Variants in NKAIN3 observed in about 807,000 individuals in gnomAD.
The protein encoded by NKAIN3 is sodium/potassium-transporting ATPase subunit beta-1-interacting protein 3.
A neutral mutation model predicts 30.2 loss-of-function variants in NKAIN3; 25 were observed. That is an observed-to-expected ratio of 0.83 (90% CI 0.60 to 1.16). NKAIN3 has a LOEUF of 1.16. NKAIN3 is among the 50% of genes most tolerant of loss of function. NKAIN3 has a pLI of 0.00. For missense variants in NKAIN3, 225 were observed against 254.1 expected, an observed-to-expected ratio of 0.89 and a Z score of 0.78; for synonymous variants, 91 against 89.6, an observed-to-expected ratio of 1.02 and a Z score of -0.09.
At chr8:62,517,754 A>AT (rs1808039023) in intron 1 of NKAIN3, among the ~76,000 whole-genome samples, 1 of 152,108 alleles carries the variant, frequency 6.6e-6, no homozygotes, top group African/African-American at 2.4e-5. Context: ...TGTTGTGGAC[A>AT]TTTTGTTCTG....
chr8:62,415,275 T>C (rs1219366554), intron 1 of NKAIN3, among the ~76,000 whole-genome samples: 1 of 144,520 alleles, frequency 6.9e-6, no homozygotes, highest in East Asian at 1.9e-4. Context: ...CACTATAGTA[T>C]ATATTATATA....
intron 1 of NKAIN3, among the ~76,000 whole-genome samples, chr8:62,304,656 A>T (rs538938188): frequency 6.6e-6 from 1 of 150,504 alleles, no homozygotes; most frequent in South Asian, 2.1e-4. Context: ...TCAACCTGTT[A>T]CTAACTGACC....
At chr8:62,527,814 G>A (rs1563440932) in intron 1 of NKAIN3, among the ~76,000 whole-genome samples, 2 of 151,264 alleles carry the variant, frequency 1.3e-5, no homozygotes, top group African/African-American at 4.9e-5. Flanking sequence ...TTCTTCCTAG[G>A]TCTGACTTGT....
At chr8:62,384,821 A>G (rs1219451023) in intron 1 of NKAIN3, among the ~76,000 whole-genome samples, 1 of 152,174 alleles carries the variant, frequency 6.6e-6, no homozygotes, top group Non-Finnish European at 1.5e-5. Flanking sequence ...TGCAGTTCCC[A>G]AAGGATGACC....
At chr8:62,729,106 G>A (rs1045958254) in intron 3 of NKAIN3, among the ~76,000 whole-genome samples, 7 of 147,088 alleles carry the variant, frequency 4.8e-5, no homozygotes, top group African/African-American at 1.3e-4. Context: ...CACAGACTGG[G>A]AGAAAATATT....
At chr8:62,900,029 T>TAAAAAAAAAAAA (rs5891878) in intron 4 of NKAIN3, among the ~76,000 whole-genome samples, 1 of 148,166 alleles carries the variant, frequency 6.7e-6, no homozygotes. Context: ...CTACTGAAAT[T>TAAAAAAAAAAAA]AAAAAAAAAA....
Position 62,249,356 on chromosome 8 carries a change from C to G in NKAIN3, c.54+229C>G, listed in dbSNP as rs186111810. On this transcript the variant is annotated intron_variant, in intron 1 of 6. Coordinates refer to ENST00000623646, the MANE Select transcript of NKAIN3 (RefSeq NM_001304533.3). ...GGAGGGCGCGGTCTCACCCCCGGTCCCATGCGCTGGGGTTCGCCGCGCTCC... is the reference window on the plus strand; with the variant it reads ...GGAGGGCGCGGTCTCACCCCCGGTCGCATGCGCTGGGGTTCGCCGCGCTCC... Among the ~76,000 whole-genome samples the G allele has an allele frequency of 1.1e-3, 171 of 152,282 alleles. 5 individuals carry two copies. The East Asian group carries it at 0.03, about 27-fold the overall frequency.
chr8:62,604,178 A>G (rs1811056955), intron 3 of NKAIN3, among the ~76,000 whole-genome samples: 1 of 152,136 alleles, frequency 6.6e-6, no homozygotes, highest in Non-Finnish European at 1.5e-5. Context: ...TGTCCAGAAG[A>G]TGAGGCAGAA....
intron 1 of NKAIN3, among the ~76,000 whole-genome samples, chr8:62,511,961 C>T (rs933958326): frequency 1.3e-5 from 2 of 152,118 alleles, no homozygotes; most frequent in African/African-American, 2.4e-5. Context: ...ATCTGTTTCC[C>T]TCTCTAAATA....
chr8:62,846,572 C>T (rs1819696124), intron 4 of NKAIN3, among the ~76,000 whole-genome samples: 2 of 152,068 alleles, frequency 1.3e-5, no homozygotes, highest in African/African-American at 4.8e-5. Flanking sequence ...TAAGTCAGAA[C>T]ATGTGGTATT....
At chr8:62,955,892 T>C (rs1360769257) in intron 6 of NKAIN3, among the ~76,000 whole-genome samples, 2 of 152,236 alleles carry the variant, frequency 1.3e-5, no homozygotes, top group Non-Finnish European at 2.9e-5. Flanking sequence ...TAGCAGTGGA[T>C]AGCTGAATAT....
chr8:62,288,330 G>T (rs1813449467), intron 1 of NKAIN3, among the ~76,000 whole-genome samples: 1 of 152,104 alleles, frequency 6.6e-6, no homozygotes. Flanking sequence ...CCATGTTGGT[G>T]TCCTGCACCC....
At chr8:62,673,422 G>A (rs1382129179) in intron 3 of NKAIN3, among the ~76,000 whole-genome samples, 1 of 152,126 alleles carries the variant, frequency 6.6e-6, no homozygotes, top group Non-Finnish European at 1.5e-5. Flanking sequence ...AAAACCAAGG[G>A]TACAATCTTT....
chr8:62,611,023 G>C (rs1291097334), intron 3 of NKAIN3, among the ~76,000 whole-genome samples: 1 of 151,904 alleles, frequency 6.6e-6, no homozygotes, highest in East Asian at 1.9e-4. Flanking sequence ...AATTTCAGTG[G>C]GGGAAAAAAG....
chr8:62,759,514 C>T (rs771139815), intron 4 of NKAIN3, among the ~76,000 whole-genome samples: 2 of 152,046 alleles, frequency 1.3e-5, no homozygotes, highest in Non-Finnish European at 2.9e-5. Flanking sequence ...GCTAGAATAG[C>T]ATGAAGAATG....
At chr8:62,552,026 G>T (rs1809231219) in intron 1 of NKAIN3, among the ~76,000 whole-genome samples, 1 of 152,070 alleles carries the variant, frequency 6.6e-6, no homozygotes, top group South Asian at 2.1e-4. Context: ...CTTGATCCAG[G>T]ACATAATTCA....
chr8:62,654,649 T>A (rs1481924587), intron 3 of NKAIN3, among the ~76,000 whole-genome samples: 1 of 152,144 alleles, frequency 6.6e-6, no homozygotes, highest in African/African-American at 2.4e-5. Context: ...AAGAAAATAT[T>A]ATTCGTTTAA....
At chr8:62,600,311 T>C (rs1286594052) in intron 3 of NKAIN3, among the ~76,000 whole-genome samples, 1 of 152,048 alleles carries the variant, frequency 6.6e-6, no homozygotes, top group Admixed American at 6.6e-5. Flanking sequence ...CAAGGACTTA[T>C]TTTATATTAA....
At chr8:62,432,809 A>T (rs1194117855) in intron 1 of NKAIN3, among the ~76,000 whole-genome samples, 1 of 152,122 alleles carries the variant, frequency 6.6e-6, no homozygotes, top group Non-Finnish European at 1.5e-5. Flanking sequence ...TGGACACTTC[A>T]TTGAGAAGAT....
Sources: allele counts gnomAD v4.1 joint callset (sites outside exome capture counted in the v4.1 genomes callset), GRCh38; gene constraint gnomAD v4.1.1; transcripts MANE v1.5; gene names NCBI Gene and HGNC (gene_info 2026-07-23, HGNC 2026-07-21).